Variants in GJB6 observed in about 807,000 individuals in gnomAD.
GJB6 encodes gap junction beta-6 protein.
In GJB6, 5 loss-of-function variants were observed where a neutral mutation model predicts 5.4. That is an observed-to-expected ratio of 0.92 (90% confidence interval 0.48 to 1.93). The LOEUF (loss-of-function observed/expected upper bound fraction) is 1.93. GJB6 is among the 30% of genes most tolerant of loss of function. The pLI is 0.01. For synonymous variants in GJB6, 136 were observed against 129.6 expected, an observed-to-expected ratio of 1.05 and a Z score of -0.34; for missense variants, 298 against 326.9, an observed-to-expected ratio of 0.91 and a Z score of 0.68.
chr13:20,228,695 A>G (rs1224707970), intron 4 of GJB6, among the ~76,000 whole-genome samples: 469 of 36,440 alleles, frequency 0.013, 3 homozygotes, highest in Non-Finnish European at 7.9e-3. Flanking sequence ...CGTGTTAGCC[A>G]GGATGGTCTC....
intron 3 of GJB6, 43 bp from the exon 4 acceptor site, chr13:20,229,792 T>TCCCCCCCCCCCCCCCCCCC (rs56771888): frequency 4.0e-4 from 29 of 72,870 alleles, no homozygotes; most frequent in East Asian, 6.6e-4. Flanking sequence ...TTCCTTTAAC[T>TCCCCCCCCCCCCCCCCCCC]CCCCCCCCCC....
intron 1 of GJB6, chr13:20,231,991 C>T (rs1870115512): frequency 6.6e-6 from 1 of 152,284 alleles, no homozygotes. Flanking sequence ...GGGGCCCGGT[C>T]GCCCCACGTG....
intron 4 of GJB6, among the ~76,000 whole-genome samples, chr13:20,226,880 A>G (rs1869617044): frequency 6.6e-6 from 1 of 152,202 alleles, no homozygotes; most frequent in Non-Finnish European, 1.5e-5. Context: ...TAACCTCCCC[A>G]GCAGGTGAGA....
At chr13:20,231,821 C>T (rs1165160695) in intron 1 of GJB6, among the ~76,000 whole-genome samples, 2 of 152,260 alleles carry the variant, frequency 1.3e-5, no homozygotes, top group African/African-American at 2.4e-5. Flanking sequence ...CTTCATAAAA[C>T]CTGTTGTACA....
chr13:20,228,687 T>A (rs1402116190), intron 4 of GJB6, among the ~76,000 whole-genome samples: 2 of 35,790 alleles, frequency 5.6e-5, no homozygotes, highest in Non-Finnish European at 1.1e-4. Flanking sequence ...GGTTTCACCG[T>A]GTTAGCCAGG....
intron 4 of GJB6, chr13:20,225,709 T>G (rs1869530224): frequency 6.6e-6 from 1 of 152,180 alleles, no homozygotes; most frequent in Non-Finnish European, 1.5e-5. Flanking sequence ...TGGGGGACTT[T>G]CTGTTGAGCC....
intron 4 of GJB6, chr13:20,225,565 T>C (rs569279160): frequency 1.3e-5 from 2 of 152,212 alleles, no homozygotes; most frequent in Admixed American, 1.3e-4. Flanking sequence ...CTCATGGTTA[T>C]TCTATGTTCA....
rs758698687 is a variant in GJB6, at chr13:20,223,025, A to C, written c.456T>G (p.Tyr152Ter). 8 of 1,614,190 alleles carry C rather than the reference A, an allele frequency of 5.0e-6. No individual in the cohort carries two copies. Among genetic ancestry groups the C allele is most frequent in the Non-Finnish European group, 5.9e-6 (7 of 1,180,014 alleles). Residue 152 changes from tyrosine to a stop codon, truncating the protein, a stop_gained, in exon 5 of 5, where the codon TAT (tyrosine) becomes TAG (stop). Transcript: ENST00000647029. LOFTEE classifies it low-confidence loss of function (END_TRUNC). ...FRIIFEAAFM[Y>*]VFYFLYNGYH... ...ACCCATTGTAAAGGAAGTAAAACAC[A>C]TACATAAAGGCTGCTTCAAAGATGA...
chr13:20,223,868 C>T (rs746023366), intron 4 of GJB6, among the ~76,000 whole-genome samples: 3 of 151,914 alleles, frequency 2.0e-5, no homozygotes, highest in Admixed American at 1.3e-4. Flanking sequence ...ACTTGGGAGG[C>T]TGAGGCAGGA....
intron 4 of GJB6, among the ~76,000 whole-genome samples, 198 bp downstream of exon 4, chr13:20,229,382 G>C (rs1869909613): frequency 7.6e-6 from 1 of 131,668 alleles, no homozygotes; most frequent in South Asian, 2.3e-4. Context: ...GGTCAGGCTG[G>C]TCTTGAACTC....
At chr13:20,227,366 A>C (rs1007468431) in intron 4 of GJB6, among the ~76,000 whole-genome samples, 3 of 152,184 alleles carry the variant, frequency 2.0e-5, no homozygotes, top group African/African-American at 7.2e-5. Context: ...CTTGCTGAGA[A>C]AAATGAGGTT....
intron 4 of GJB6, among the ~76,000 whole-genome samples, chr13:20,226,560 G>T (rs1264754851): frequency 1.3e-5 from 2 of 152,172 alleles, no homozygotes; most frequent in Non-Finnish European, 2.9e-5. Flanking sequence ...GATATGATTT[G>T]TAAAATTAAT....
At chr13:20,228,948 A>G (rs117438526) in intron 4 of GJB6, among the ~76,000 whole-genome samples, 2,371 of 151,960 alleles carry the variant, frequency 0.016, 42 homozygotes, top group Non-Finnish European at 0.022. Context: ...GACTGCACTA[A>G]TGAAATTTCT....
intron 4 of GJB6, among the ~76,000 whole-genome samples, chr13:20,227,828 C>T (rs1170019599): frequency 6.6e-6 from 1 of 152,196 alleles, no homozygotes; most frequent in African/African-American, 2.4e-5. Flanking sequence ...CCCCAGGAGA[C>T]GCTCCCATTC....
intron 4 of GJB6, among the ~76,000 whole-genome samples, chr13:20,229,183 C>T (rs1034282824): frequency 2.9e-5 from 4 of 139,746 alleles, no homozygotes; most frequent in African/African-American, 8.0e-5. Flanking sequence ...GAGTCTTGCC[C>T]TGTTGCCCAG....
rs1870083780 is a variant in GJB6 at position 20,231,498 on chromosome 13, C to G, written c.-412G>C. 6.6e-6 allele frequency: 1 copy of G among 152,182 alleles called. No homozygotes were observed. Among genetic ancestry groups the G allele is most frequent in the Non-Finnish European group, 1.5e-5 (1 of 68,046 alleles). The allele number at this position is 152,182 out of a possible 1,614,324, so 9.4% of individuals were successfully genotyped here. A position where few individuals can be genotyped will look rare whatever the true frequency, so the allele number is the denominator to read the frequency against. ...CAGGAAGTGCCTTCTGGTGCCTGCA[C>G]GTTTTAACTAAGATGTGTCGCCAAT... is the stretch of plus-strand genomic sequence containing the variant. On this transcript the variant is annotated 5_prime_UTR_variant, in exon 2 of 5. Transcript: ENST00000647029.
chr13:20,225,307 C>T (rs1232832363), intron 4 of GJB6: 3 of 152,672 alleles, frequency 2.0e-5, no homozygotes, highest in Non-Finnish European at 4.4e-5. Flanking sequence ...TGGCTTATTT[C>T]ACTCAGCATA....
rs577161206 is a variant in GJB6 at position 20,228,634 on chromosome 13, G to A, written c.-16+946C>T. ...TGAGCAGCTGGGACTACAGGCGCCT[G>A]CCACCAAGCCCGGCTAATTTTTTGT... On this transcript the variant is annotated intron_variant, in intron 4 of 4. Coordinates refer to ENST00000647029, the MANE Select transcript of GJB6 (RefSeq NM_001110219.3). 3.3e-4 allele frequency among the ~76,000 whole-genome samples: 49 copies of A among 149,868 alleles called. 1 individual carries two copies. Among genetic ancestry groups the A allele is most frequent in the East Asian group, 1.2e-3 (6 of 5,108 alleles).
chr13:20,229,314 A>AT (rs1566542797), intron 4 of GJB6, among the ~76,000 whole-genome samples: 1 of 87,336 alleles, frequency 1.1e-5, no homozygotes, highest in Non-Finnish European at 2.2e-5. Context: ...ATACCTGGTT[A>AT]ATTTTTTTTT....
Sources: allele counts gnomAD v4.1 joint callset (sites outside exome capture counted in the v4.1 genomes callset), GRCh38; gene constraint gnomAD v4.1.1; transcripts MANE v1.5; gene names NCBI Gene and HGNC (gene_info 2026-07-23, HGNC 2026-07-21).